Variants in RELN observed in about 807,000 individuals in gnomAD.
The protein encoded by RELN is reelin.
RELN carries 108 observed loss-of-function variants against 427.6 expected under a neutral mutation model. The ratio of observed to expected loss-of-function variants is 0.25; its 90% CI spans 0.22 to 0.30. RELN has a LOEUF of 0.30. Among genes scored for constraint, RELN ranks in the 10% least tolerant of loss-of-function variants. The pLI is 1.00. For synonymous variants in RELN, 1,524 were observed against 1,513.4 expected (o/e 1.01, Z -0.16); for missense variants, 3,715 against 4,302.8 (o/e 0.86, Z 3.82).
At chr7:103,904,160 C>G (rs992666038) in intron 2 of RELN, among the ~76,000 whole-genome samples, 1 of 152,118 alleles carries the variant, frequency 6.6e-6, no homozygotes, top group Non-Finnish European at 1.5e-5. Context: ...CCAGCTTCAT[C>G]CATGTCCCTG....
At chr7:103,859,720 T>C (rs990824664) in intron 2 of RELN, among the ~76,000 whole-genome samples, 2 of 152,200 alleles carry the variant, frequency 1.3e-5, no homozygotes, top group Non-Finnish European at 2.9e-5. Flanking sequence ...GAAACAACTT[T>C]ATGGCACTTG....
At chr7:103,716,747 T>G (rs926061583) in intron 8 of RELN, among the ~76,000 whole-genome samples, 2 of 152,162 alleles carry the variant, frequency 1.3e-5, no homozygotes, top group South Asian at 2.1e-4. Flanking sequence ...AATATTTAAG[T>G]TAGAAAAGGT....
chr7:103,718,693 A>T (rs2115885767), intron 8 of RELN, among the ~76,000 whole-genome samples: 1 of 152,286 alleles, frequency 6.6e-6, no homozygotes, highest in African/African-American at 2.4e-5. Context: ...CTTGTCACTC[A>T]GGGAAGCAAT....
intron 6 of RELN, among the ~76,000 whole-genome samples, chr7:103,730,632 C>A (rs947525554): frequency 3.3e-5 from 5 of 152,100 alleles, no homozygotes; most frequent in Non-Finnish European, 7.4e-5. Context: ...GCATTGGTAA[C>A]CCTGCTGAAG....
chr7:103,957,784 G>A (rs1399750172), intron 1 of RELN, among the ~76,000 whole-genome samples: 4 of 152,158 alleles, frequency 2.6e-5, no homozygotes, highest in Admixed American at 6.5e-5. Flanking sequence ...GCTAAGTGAT[G>A]CTCGCCCATC....
intron 42 of RELN, among the ~76,000 whole-genome samples, chr7:103,543,841 C>T (rs1022849269): frequency 6.6e-6 from 1 of 152,132 alleles, no homozygotes; most frequent in African/African-American, 2.4e-5. Flanking sequence ...CTCTGTTGTG[C>T]AGCCATCACT....
chr7:103,840,245 G>A (rs1019419404), intron 2 of RELN, among the ~76,000 whole-genome samples: 3 of 152,244 alleles, frequency 2.0e-5, no homozygotes, highest in African/African-American at 4.8e-5. Flanking sequence ...GCAAGTGTAC[G>A]AAGTAGCCTG....
intron 7 of RELN, among the ~76,000 whole-genome samples, chr7:103,724,942 G>A (rs892878424): frequency 2.6e-5 from 4 of 151,622 alleles, no homozygotes; most frequent in Non-Finnish European, 5.9e-5. Context: ...TATTAATCTT[G>A]AGTTCAAATA....
intron 2 of RELN, among the ~76,000 whole-genome samples, chr7:103,895,021 G>C (rs1209499718): frequency 6.6e-6 from 1 of 152,038 alleles, no homozygotes; most frequent in African/African-American, 2.4e-5. Context: ...AACTTCATCT[G>C]TAAACTTTCT....
chr7:103,548,734 C>T (rs1019393373), intron 41 of RELN, among the ~76,000 whole-genome samples: 2 of 152,180 alleles, frequency 1.3e-5, no homozygotes, highest in Non-Finnish European at 2.9e-5. Context: ...ATATAGATGT[C>T]TGCAAGTCTC....
chr7:103,819,604 G>A (rs184871088), intron 3 of RELN, among the ~76,000 whole-genome samples: 3 of 152,164 alleles, frequency 2.0e-5, no homozygotes, highest in Admixed American at 1.3e-4. Flanking sequence ...TGCTCCAAAT[G>A]AGCCATTTAG....
At position 103,557,133 on chromosome 7, in the gene RELN, GA is replaced by G; in HGVS notation, c.5640del (p.Leu1881CysfsTer14). 6.2e-7 allele frequency: 1 copy of G among 1,613,510 alleles called. No homozygotes were observed. The highest frequency in any genetic ancestry group is 8.5e-7 in the Non-Finnish European group (1 of 1,179,412). On this transcript the variant is annotated frameshift_variant, in exon 38 of 65. Transcript: ENST00000428762. LOFTEE classifies it high-confidence loss of function. Reference protein sequence around the residue: ...AKSTPERSHSILLQFSISGGI... With the variant: ...AKSTPERSHSXLLQFSISGGI... ...CCTCCACTGATGGAGAATTGTAACAGAATAGAGTGAGATCTCTCTGGGGTAC... is the reference window on the plus strand; with the variant it reads ...CCTCCACTGATGGAGAATTGTAACAGATAGAGTGAGATCTCTCTGGGGTAC...
At chr7:103,856,997 T>C (rs1793963437) in intron 2 of RELN, among the ~76,000 whole-genome samples, 1 of 152,142 alleles carries the variant, frequency 6.6e-6, no homozygotes, top group Admixed American at 6.6e-5. Flanking sequence ...AAATTTGTCA[T>C]TTAAAGGCTT....
At chr7:103,905,960 C>T (rs1210031409) in intron 2 of RELN, among the ~76,000 whole-genome samples, 2 of 151,912 alleles carry the variant, frequency 1.3e-5, no homozygotes, top group Non-Finnish European at 2.9e-5. Flanking sequence ...GGATTTGCCC[C>T]AGAGACCGAG....
At chr7:103,693,520 A>AT (rs1356428558) in intron 10 of RELN, among the ~76,000 whole-genome samples, 2 of 151,794 alleles carry the variant, frequency 1.3e-5, no homozygotes, top group African/African-American at 4.8e-5. Context: ...ATATAAAAAA[A>AT]GAACTATAAC....
chr7:103,740,542 C>T lies in RELN; in HGVS notation c.656+8884G>A, dbSNP rs117574022. ...ATAAAAAACATTTCTTATTTCTATT[C>T]CAACTGTCATAAAAAACTTGGAAGA... On this transcript the variant is annotated intron_variant, in intron 6 of 64. Transcript: ENST00000428762. 2.0e-3 allele frequency among the ~76,000 whole-genome samples: 299 copies of T among 152,220 alleles called. 5 individuals carry two copies. The East Asian group carries it at 0.044, about 22-fold the overall frequency.
At chr7:103,518,624 C>A (rs940304708) in intron 49 of RELN, among the ~76,000 whole-genome samples, 1 of 151,480 alleles carries the variant, frequency 6.6e-6, no homozygotes, top group Non-Finnish European at 1.5e-5. Context: ...GTGTGAGCCA[C>A]CATGCCCAGC....
At chr7:103,807,448 G>C (rs941031401) in intron 3 of RELN, among the ~76,000 whole-genome samples, 7 of 152,246 alleles carry the variant, frequency 4.6e-5, no homozygotes, top group Admixed American at 4.6e-4. Flanking sequence ...GAAGCTTTTT[G>C]TTGTTATTTT....
chr7:103,851,144 C>T (rs1470147064), intron 2 of RELN, among the ~76,000 whole-genome samples: 1 of 152,168 alleles, frequency 6.6e-6, no homozygotes, highest in African/African-American at 2.4e-5. Flanking sequence ...TGATGGAATA[C>T]TATGCAGCCA....
Sources: gnomAD v4.1 joint callset for allele counts (sites outside exome capture counted in the v4.1 genomes callset) on GRCh38, gnomAD v4.1.1 for gene constraint, MANE v1.5 for transcripts, NCBI Gene and HGNC (gene_info 2026-07-23, HGNC 2026-07-21) for gene names.